The following GRM5 variants were observed in gnomAD, a reference collection of about 807,000 sequenced individuals.
GRM5 encodes glutamate metabotropic receptor 5.
GRM5 carries 19 observed loss-of-function variants against 83.1 expected under a neutral mutation model. The observed-to-expected ratio is 0.23, with a 90% confidence interval of 0.16 to 0.34. GRM5 has a LOEUF of 0.34. GRM5 is among the 10% of genes least tolerant of loss of function. The pLI, the probability that GRM5 is intolerant of heterozygous loss-of-function variation, is 1.00. For missense variants in GRM5, 1,160 were observed against 1,588.3 expected (o/e 0.73, Z 4.58); for synonymous variants, 675 against 633.6 (o/e 1.07, Z -0.98).
intron 1 of GRM5, among the ~76,000 whole-genome samples, chr11:89,057,853 C>T (rs1472063797): frequency 2.0e-5 from 3 of 152,014 alleles, no homozygotes; most frequent in African/African-American, 7.2e-5. Context: ...TATAAAGTGC[C>T]TTCTTTCTGT....
At chr11:88,604,590 A>G in intron 5 of GRM5, 128 bp downstream of exon 5, 2 of 760,002 alleles carry the variant, frequency 2.6e-6, no homozygotes, top group Non-Finnish European at 4.3e-6. Context: ...CTCATTTGGG[A>G]TGTCAGGGAA....
intron 2 of GRM5, among the ~76,000 whole-genome samples, chr11:88,917,647 C>G (rs148812279): frequency 0.039 from 5,877 of 152,080 alleles, 189 homozygotes; most frequent in African/African-American, 0.079. Flanking sequence ...TTAAAATAAT[C>G]TTAAAAACTC....
chr11:88,990,497 C>T (rs1363071137), intron 2 of GRM5, among the ~76,000 whole-genome samples: 1 of 151,360 alleles, frequency 6.6e-6, no homozygotes, highest in Non-Finnish European at 1.5e-5. Flanking sequence ...AGGGAATCCT[C>T]CCTAACTCAT....
chr11:88,634,283 A>T (rs993978607), intron 4 of GRM5, among the ~76,000 whole-genome samples: 3 of 152,180 alleles, frequency 2.0e-5, no homozygotes, highest in Admixed American at 6.5e-5. Context: ...TTTATAAAAA[A>T]TATTATTTTT....
chr11:88,512,585 G>A (rs764660823), intron 9 of GRM5, among the ~76,000 whole-genome samples: 5 of 152,156 alleles, frequency 3.3e-5, no homozygotes, highest in Non-Finnish European at 5.9e-5. Flanking sequence ...GGCCACTGTG[G>A]GGTGTCATGG....
intron 2 of GRM5, among the ~76,000 whole-genome samples, chr11:88,976,621 T>C (rs1287726415): frequency 1.3e-5 from 2 of 152,306 alleles, no homozygotes; most frequent in East Asian, 1.9e-4. Flanking sequence ...AGGAGGTTGA[T>C]GATGCTGAGT....
chr11:88,702,179 T>C (rs1454461912), intron 3 of GRM5, among the ~76,000 whole-genome samples: 2 of 152,068 alleles, frequency 1.3e-5, no homozygotes, highest in East Asian at 1.9e-4. Flanking sequence ...TACTATGAAG[T>C]AACTATATCT....
intron 3 of GRM5, among the ~76,000 whole-genome samples, chr11:88,681,434 T>A (rs1162128995): frequency 6.6e-6 from 1 of 151,916 alleles, no homozygotes; most frequent in African/African-American, 2.4e-5. Flanking sequence ...TTTTTGAAAT[T>A]CCTTCTTCTC....
intron 4 of GRM5, among the ~76,000 whole-genome samples, chr11:88,619,386 G>A (rs143163514): frequency 3.1e-3 from 476 of 152,296 alleles, no homozygotes; most frequent in South Asian, 6.6e-3. Context: ...AAGCTTTGTG[G>A]ATTCTCTTGA....
At chr11:88,787,080 A>T (rs976540536) in intron 3 of GRM5, among the ~76,000 whole-genome samples, 5 of 152,012 alleles carry the variant, frequency 3.3e-5, no homozygotes, top group African/African-American at 1.2e-4. Flanking sequence ...TAGTTAATAG[A>T]ATGAACAAAA....
At chr11:89,028,230 T>C (rs1941177443) in intron 2 of GRM5, among the ~76,000 whole-genome samples, 1 of 152,212 alleles carries the variant, frequency 6.6e-6, no homozygotes, top group Non-Finnish European at 1.5e-5. Flanking sequence ...TCATTAATTA[T>C]AACTAACATC....
intron 2 of GRM5, among the ~76,000 whole-genome samples, chr11:88,893,838 A>G (rs1590944889): frequency 6.6e-6 from 1 of 151,908 alleles, no homozygotes; most frequent in Non-Finnish European, 1.5e-5. Flanking sequence ...ACACCCCTTA[A>G]CAGCAGTTAG....
intron 2 of GRM5, among the ~76,000 whole-genome samples, chr11:88,867,643 AT>A (rs1281411972): frequency 9.9e-5 from 15 of 151,694 alleles, no homozygotes; most frequent in African/African-American, 2.9e-4. Flanking sequence ...AGGCAAAAAA[AT>A]CATATGGGTG....
intron 1 of GRM5, among the ~76,000 whole-genome samples, chr11:89,051,539 G>A (rs193296812): frequency 8.6e-5 from 13 of 151,968 alleles, no homozygotes; most frequent in East Asian, 5.9e-4. Flanking sequence ...GTGAAACCCC[G>A]TCTCTACCAA....
intron 4 of GRM5, among the ~76,000 whole-genome samples, chr11:88,611,544 G>A (rs187098668): frequency 6.6e-6 from 1 of 152,200 alleles, no homozygotes; most frequent in East Asian, 1.9e-4. Context: ...TTGTATGTCC[G>A]TGGGGTCAGT....
intron 4 of GRM5, among the ~76,000 whole-genome samples, chr11:88,624,661 G>A (rs540196288): frequency 4.7e-4 from 72 of 152,306 alleles, no homozygotes; most frequent in African/African-American, 1.6e-3. Flanking sequence ...CAGCCTGGGC[G>A]ACAGAGCAAG....
At chr11:88,813,726 A>T (rs2135500280) in intron 3 of GRM5, among the ~76,000 whole-genome samples, 1 of 152,326 alleles carries the variant, frequency 6.6e-6, no homozygotes, top group East Asian at 1.9e-4. Flanking sequence ...AAGTAGATAC[A>T]CAGATGAGTA....
At chr11:88,568,098 A>G in intron 7 of GRM5, 106 bp from the exon 8 acceptor site, 1 of 660,150 alleles carries the variant, frequency 1.5e-6, no homozygotes. Context: ...TTTGTTCCCC[A>G]TCTACCTTTC....
At chr11:88,894,118 C>T (rs374807703) in intron 2 of GRM5, among the ~76,000 whole-genome samples, 1 of 151,854 alleles carries the variant, frequency 6.6e-6, no homozygotes, top group African/African-American at 2.4e-5. Context: ...TATGTGTACT[C>T]TAAGGAGCAG....
Sources: gnomAD v4.1 joint callset for allele counts (sites outside exome capture counted in the v4.1 genomes callset) on GRCh38, gnomAD v4.1.1 for gene constraint, MANE v1.5 for transcripts, NCBI Gene and HGNC (gene_info 2026-07-23, HGNC 2026-07-21) for gene names.